Variants in HS3ST5 observed in about 807,000 individuals in gnomAD.
HS3ST5 encodes heparan sulfate-glucosamine 3-sulfotransferase 5.
HS3ST5 carries 10 observed loss-of-function variants against 25.4 expected under a neutral mutation model. That is an observed-to-expected ratio of 0.39 (90% CI 0.24 to 0.67). The LOEUF (loss-of-function observed/expected upper bound fraction) is 0.67, where lower values mean the gene tolerates loss of function less well. Ranked by LOEUF, HS3ST5 falls within the 30% of genes least tolerant of loss-of-function variation. The probability of loss-of-function intolerance (pLI) is 0.44; values close to 1 mark genes in which losing one functional copy is unlikely to be tolerated. For synonymous variants in HS3ST5, 170 were observed against 162.4 expected (o/e 1.05, Z -0.36); for missense variants, 324 against 420.7 (o/e 0.77, Z 2.01).
At chr6:114,090,188 G>C (rs538188612) in intron 3 of HS3ST5, among the ~76,000 whole-genome samples, 22 of 152,202 alleles carry the variant, frequency 1.4e-4, no homozygotes, top group Non-Finnish European at 2.6e-4. Context: ...TAATCAATAA[G>C]TCTTAGTTGA....
chr6:114,276,758 A>G (rs1582780432), intron 1 of HS3ST5, among the ~76,000 whole-genome samples: 1 of 151,982 alleles, frequency 6.6e-6, no homozygotes, highest in Non-Finnish European at 1.5e-5. Context: ...TACAGCAACA[A>G]TTGGGGTCTA....
chr6:114,142,170 ACTGT>A (rs1311106642), intron 3 of HS3ST5, among the ~76,000 whole-genome samples: 1 of 151,794 alleles, frequency 6.6e-6, no homozygotes, highest in African/African-American at 2.4e-5. Context: ...TTGGAGCATC[ACTGT>A]CTGATTATTT....
chr6:114,119,836 G>A (rs1045462252), intron 3 of HS3ST5, among the ~76,000 whole-genome samples: 14 of 152,108 alleles, frequency 9.2e-5, no homozygotes, highest in Non-Finnish European at 1.5e-5. Flanking sequence ...AGAGGACATC[G>A]GTCCTGCCCT....
chr6:114,158,080 T>C (rs982806483), intron 3 of HS3ST5, among the ~76,000 whole-genome samples: 1 of 152,184 alleles, frequency 6.6e-6, no homozygotes, highest in Admixed American at 6.5e-5. Flanking sequence ...TGCAAACTCA[T>C]TGTGTCTGGA....
intron 2 of HS3ST5, among the ~76,000 whole-genome samples, chr6:114,189,662 T>C (rs1475065778): frequency 6.6e-6 from 1 of 152,180 alleles, no homozygotes; most frequent in Non-Finnish European, 1.5e-5. Flanking sequence ...ATTTTTCTTT[T>C]GTTTTCTGAA....
At position 114,057,738 on chromosome 6, in the gene HS3ST5, G is replaced by T. The variant is rs367629035; in HGVS notation, c.560C>A (p.Thr187Lys). 1 of 1,614,100 alleles carries T rather than the reference G, an allele frequency of 6.2e-7. No individual in the cohort carries two copies. Among genetic ancestry groups the T allele is most frequent in the South Asian group, 1.1e-5 (1 of 91,082 alleles). The change falls in exon 5 of 5, where the codon ACA becomes AAA. Residue 187 changes from threonine (T) to lysine (K), a missense_variant. This residue lies in a region of HS3ST5 where 203 missense variants were observed against 303.4 expected (regional missense o/e 0.67). Coordinates refer to ENST00000312719, the MANE Select transcript of HS3ST5 (RefSeq NM_153612.4). ...KLLIIVREPT[T>K]RAISDYTQVL... ...CTGAGTATAATCAGAAATAGCTCTT[G>T]TGGTTGGCTCCCTGACAATGATCAA...
chr6:114,105,258 C>A (rs769476896), intron 3 of HS3ST5, among the ~76,000 whole-genome samples: 6 of 152,086 alleles, frequency 3.9e-5, no homozygotes, highest in Non-Finnish European at 8.8e-5. Flanking sequence ...AAATTCTAAG[C>A]CAAAGAAATG....
chr6:114,279,561 T>C (rs1339301293), intron 1 of HS3ST5, among the ~76,000 whole-genome samples: 1 of 151,864 alleles, frequency 6.6e-6, no homozygotes, highest in Non-Finnish European at 1.5e-5. Context: ...CAAATGGGGG[T>C]GTTCTCTATT....
chr6:114,059,960 T>A (rs868450183), intron 4 of HS3ST5, among the ~76,000 whole-genome samples: 1 of 152,248 alleles, frequency 6.6e-6, no homozygotes, highest in Non-Finnish European at 1.5e-5. Flanking sequence ...TTCTTTTTTA[T>A]GATTTTTAAA....
At chr6:114,076,451 C>A (rs1017452707) in intron 3 of HS3ST5, among the ~76,000 whole-genome samples, 1 of 152,148 alleles carries the variant, frequency 6.6e-6, no homozygotes, top group African/African-American at 2.4e-5. Flanking sequence ...GTCTTAATAG[C>A]CCCCAGTTTT....
chr6:114,291,177 A>G (rs974148246), intron 1 of HS3ST5, among the ~76,000 whole-genome samples: 2 of 152,086 alleles, frequency 1.3e-5, no homozygotes, highest in African/African-American at 4.8e-5. Flanking sequence ...GCCACTTAGT[A>G]CAACTACTAG....
chr6:114,255,192 C>T (rs971604522), intron 1 of HS3ST5, among the ~76,000 whole-genome samples: 1 of 152,174 alleles, frequency 6.6e-6, no homozygotes, highest in Non-Finnish European at 1.5e-5. Context: ...GAGCTAAAGG[C>T]CCTATGCAAG....
chr6:114,232,157 A>G (rs754060619), intron 1 of HS3ST5, among the ~76,000 whole-genome samples: 2 of 152,036 alleles, frequency 1.3e-5, no homozygotes, highest in Non-Finnish European at 2.9e-5. Context: ...ATAGTTTTTC[A>G]TGATTCAGCT....
At chr6:114,074,403 C>T (rs905762036) in intron 3 of HS3ST5, among the ~76,000 whole-genome samples, 3 of 152,010 alleles carry the variant, frequency 2.0e-5, no homozygotes, top group African/African-American at 7.3e-5. Context: ...TAAGTATTTA[C>T]CAGGACATCA....
At chr6:114,087,224 T>G (rs1774885699) in intron 3 of HS3ST5, among the ~76,000 whole-genome samples, 1 of 152,196 alleles carries the variant, frequency 6.6e-6, no homozygotes, top group South Asian at 2.1e-4. Context: ...ACCCTAAATT[T>G]GGAAGATATT....
At chr6:114,281,456 C>T (rs2114738835) in intron 1 of HS3ST5, among the ~76,000 whole-genome samples, 1 of 152,092 alleles carries the variant, frequency 6.6e-6, no homozygotes, top group African/African-American at 2.4e-5. Flanking sequence ...AGCTTGACAA[C>T]AATAAAATTC....
chr6:114,227,999 CA>C (rs572202404), intron 2 of HS3ST5, among the ~76,000 whole-genome samples: 150 of 152,142 alleles, frequency 9.9e-4, no homozygotes, highest in African/African-American at 3.5e-3. Context: ...ACTTCTGTAA[CA>C]AAATTACCCC....
At chr6:114,226,914 T>C (rs1457152740) in intron 2 of HS3ST5, among the ~76,000 whole-genome samples, 1 of 151,976 alleles carries the variant, frequency 6.6e-6, no homozygotes, top group Non-Finnish European at 1.5e-5. Context: ...AAGAGAGAGA[T>C]GAGTAAAGGT....
chr6:114,257,812 C>T (rs1773000035), intron 1 of HS3ST5, among the ~76,000 whole-genome samples: 1 of 152,126 alleles, frequency 6.6e-6, no homozygotes, highest in South Asian at 2.1e-4. Flanking sequence ...ACATAGCTCA[C>T]TGTGGCCTCA....
Sources: gnomAD v4.1 joint callset for allele counts (sites outside exome capture counted in the v4.1 genomes callset) on GRCh38, gnomAD v4.1.1 for gene constraint, gnomAD v4.1.1 regional missense constraint, MANE v1.5 for transcripts, NCBI Gene and HGNC (gene_info 2026-07-23, HGNC 2026-07-21) for gene names.